NECAB3: variants seen among roughly 807,000 people sequenced by gnomAD.
NECAB3 encodes the protein N-terminal EF-hand calcium-binding protein 3.
In NECAB3, 38 loss-of-function variants were observed where a neutral mutation model predicts 57.2. The ratio of observed to expected loss-of-function variants is 0.66; its 90% CI spans 0.51 to 0.87. NECAB3 has a LOEUF of 0.87. NECAB3 is among the 40% of genes least tolerant of loss of function. NECAB3 has a pLI of 0.00. For synonymous variants in NECAB3, 223 were observed against 222.6 expected, an observed-to-expected ratio of 1.00 and a Z score of -0.02; for missense variants, 474 against 527.5, an observed-to-expected ratio of 0.90 and a Z score of 0.99.
At chr20:33,663,417 G>C (rs1166303330) in intron 5 of NECAB3, 7 of 1,129,756 alleles carry the variant, frequency 6.2e-6, no homozygotes, top group Non-Finnish European at 7.3e-6. Context: ...GACAGGACCC[G>C]GGTGGACGAC....
Position 33,668,329 on chromosome 20 carries a change from T to C in NECAB3, c.387+1046A>G, listed in dbSNP as rs957305237. The C allele has an allele frequency of 1.4e-4, 214 of 1,503,164 alleles. 2 individuals are homozygous for C. Among genetic ancestry groups the C allele is most frequent in the Admixed American group, 1.4e-3 (62 of 44,732 alleles). 93.1% of individuals were successfully genotyped at this position (1,503,164 alleles called of 1,614,324 possible). On this transcript the variant is annotated intron_variant, in intron 5 of 11. Coordinates refer to ENST00000246190, the MANE Select transcript of NECAB3 (RefSeq NM_031232.4). ...GGAGCTGGCAGGGTCCTCCTGGAGG[T>C]TGGAGCTGACTGGATGGGTCACCCC...
In NECAB3 at chr20:33,658,077, G is replaced by A. The variant is rs375844403; in HGVS notation, c.1071-44C>T. 7.5e-5 allele frequency: 113 copies of A among 1,504,868 alleles called. No individual in the cohort carries two copies. The South Asian group carries it at 8.3e-4, about 11-fold the overall frequency. 93.2% of individuals were successfully genotyped at this position (1,504,868 alleles called of 1,614,324 possible). On this transcript the variant is annotated intron_variant, in intron 10 of 11. Transcript: ENST00000246190. ...CAGTGACCTCGCTCTCCCCACTCCC[G>A]CCCCATCCTGCTGCCAGGATCAGAC...
Position 33,667,447 on chromosome 20 carries a change from G to C in NECAB3, c.387+1928C>G. ...GCCGTTGGCGCCGCCCGCGGGCCGC[G>C]AAAGGGTGGCGGAGCTGCTGTTCGA... On this transcript the variant is annotated intron_variant, in intron 5 of 11. Coordinates refer to ENST00000246190, the MANE Select transcript of NECAB3 (RefSeq NM_031232.4). 5.7e-6 allele frequency: 8 copies of C among 1,415,586 alleles called. No homozygotes were observed. The South Asian group carries it at 1.1e-4, about 19-fold the overall frequency. The allele number at this position is 1,415,586 out of a possible 1,614,324, so 87.7% of individuals were successfully genotyped here.
At chr20:33,664,234 T>C in intron 5 of NECAB3, 1 of 233,610 alleles carries the variant, frequency 4.3e-6, no homozygotes. Flanking sequence ...CTGCTTCCGG[T>C]AAAGCCTGAC....
In NECAB3 at chr20:33,660,001, G is replaced by C. The variant is rs1397689356; in HGVS notation, c.527C>G (p.Ser176Ter). The change falls in exon 7 of 12, where the codon TCA (serine) becomes TGA (stop). Residue 176 changes from serine to a stop codon, truncating the protein, a stop_gained and splice_region_variant. Transcript: ENST00000246190. LOFTEE classifies it high-confidence loss of function. This position sits in a 1 kb window ranked among gnomAD's most constrained non-coding sequence, Gnocchi z 4.1. ...CTGCGCCTCCACGCTCTCTGCATCT[G>C]ACCTAGAGGAAGTGAGGCTCACAGG... is the stretch of plus-strand genomic sequence containing the variant. ...TLEAQAHGWRSDAESVEAQSR... is the reference protein window; with the variant it reads ...TLEAQAHGWR 6.4e-7 allele frequency: 1 copy of C among 1,574,052 alleles called. No individual in the cohort carries two copies.
chr20:33,669,594 C>T (rs1568902228), intron 4 of NECAB3, 93 bp downstream of exon 4: 1 of 1,538,940 alleles, frequency 6.5e-7, no homozygotes, highest in African/African-American at 1.4e-5. Context: ...CCAGCCCAAC[C>T]TGTCCCATCA....
intron 5 of NECAB3, chr20:33,663,454 G>A (rs1484100691): frequency 3.4e-6 from 5 of 1,472,248 alleles, no homozygotes; most frequent in African/African-American, 1.5e-5. Flanking sequence ...AGGGTCCCAG[G>A]AGAAGCGCGG....
chr20:33,670,506 TG>T, intron 3 of NECAB3, 177 bp downstream of exon 3: 1 of 495,646 alleles, frequency 2.0e-6, no homozygotes, highest in Non-Finnish European at 3.6e-6. Context: ...AGCAGTGTAG[TG>T]GGCAAGGCTG....
At chr20:33,669,156 G>A (rs903090493) in intron 5 of NECAB3, 1 of 562,770 alleles carries the variant, frequency 1.8e-6, no homozygotes, top group East Asian at 3.0e-5. Context: ...GTTCTCACTG[G>A]TCACAGTGAT....
At position 33,657,981 on chromosome 20, in the gene NECAB3, G is replaced by A. The variant is rs1307527383; in HGVS notation, c.1123C>T (p.Leu375=). 6.4e-7 allele frequency: 1 copy of A among 1,557,124 alleles called. No homozygotes were observed. Among genetic ancestry groups the A allele is most frequent in the African/African-American group, 1.4e-5 (1 of 73,366 alleles). ...KAFQRILIDH[L]RAPDTLTTVF... ...GTGGTGAGGGTGTCCGGGGCCCGCAGGTGGTCGATGAGGATGCGCTGGAAG... is the reference window on the plus strand; with the variant it reads ...GTGGTGAGGGTGTCCGGGGCCCGCAAGTGGTCGATGAGGATGCGCTGGAAG... Residue 375 remains leucine (L), a synonymous_variant, in exon 11 of 12, where the codon CTG becomes TTG. Coordinates refer to ENST00000246190, the MANE Select transcript of NECAB3 (RefSeq NM_031232.4).
At chr20:33,668,006 C>G (rs1397407960) in intron 5 of NECAB3, 1 of 1,543,848 alleles carries the variant, frequency 6.5e-7, no homozygotes, top group Non-Finnish European at 8.7e-7. Flanking sequence ...GGCGGCTCCA[C>G]ACTGTTTCCT....
intron 5 of NECAB3, chr20:33,667,532 C>CCGGCG (rs1568899732): frequency 6.5e-7 from 1 of 1,541,374 alleles, no homozygotes; most frequent in Non-Finnish European, 8.7e-7. Context: ...CTCTGCTCCA[C>CCGGCG]CGGCGCGTTC....
In NECAB3 at chr20:33,660,231, C is replaced by T. The variant is rs1365153962; in HGVS notation, c.524+28G>A. Reference sequence around the variant, plus strand: ...GTACAATGGGCGCTTGTGCACTAGCCCCACAGGTTGACAGCACCCTTACAT... The same window carrying T: ...GTACAATGGGCGCTTGTGCACTAGCTCCACAGGTTGACAGCACCCTTACAT... On this transcript the variant is annotated intron_variant, in intron 6 of 11. Transcript: ENST00000246190. The surrounding 1 kb of genome is among the most constrained non-coding windows in gnomAD (Gnocchi z 4.1). 1.9e-6 allele frequency: 3 copies of T among 1,607,876 alleles called. No individual in the cohort carries two copies. The Admixed American group carries it at 5.0e-5, about 27-fold the overall frequency.
Position 33,657,951 on chromosome 20 carries a change from AC to A in NECAB3, c.1152del (p.Phe385SerfsTer8). 2 of 1,557,060 alleles carry A rather than the reference AC, an allele frequency of 1.3e-6. No individual in the cohort carries two copies. The highest frequency in any genetic ancestry group is 1.7e-6 in the Non-Finnish European group (2 of 1,150,192). On this transcript the variant is annotated frameshift_variant, in exon 11 of 12. Transcript: ENST00000246190. LOFTEE classifies it high-confidence loss of function. ...HLRAPDTLTT[V>X]FFPASWWIMN... Reference sequence around the variant, plus strand: ...GGGGTCCACCGCATACCTGGGAAGAACACAGTGGTGAGGGTGTCCGGGGCCC... The same window carrying A: ...GGGGTCCACCGCATACCTGGGAAGAAACAGTGGTGAGGGTGTCCGGGGCCC...
At chr20:33,667,870 G>A (rs762502284) in intron 5 of NECAB3, 8 of 1,601,232 alleles carry the variant, frequency 5.0e-6, no homozygotes, top group East Asian at 2.3e-5. Context: ...CCGCTGCCCC[G>A]AACCCATCTT....
intron 4 of NECAB3, 36 bp from the exon 5 acceptor site, chr20:33,669,508 C>T (rs915316528): frequency 3.1e-6 from 5 of 1,608,580 alleles, no homozygotes; most frequent in African/African-American, 2.7e-5. Context: ...GTTCCTGGAC[C>T]CCCACCCATC....
intron 5 of NECAB3, among the ~76,000 whole-genome samples, chr20:33,668,921 G>A (rs892984352): frequency 6.6e-6 from 1 of 152,248 alleles, no homozygotes. Context: ...ACGCGTGGGT[G>A]TTCACGTACC....
intron 5 of NECAB3, 112 bp downstream of exon 5, chr20:33,669,263 G>A (rs1419531200): frequency 9.0e-7 from 1 of 1,116,602 alleles, no homozygotes; most frequent in East Asian, 2.5e-5. Flanking sequence ...GCCAGGATTT[G>A]AACCCAAGCC....
At position 33,659,902 on chromosome 20, in the gene NECAB3, G is replaced by A. The variant is rs1350284203; in HGVS notation, c.626C>T (p.Pro209Leu). ...RSVSRSSTWS[P>L]GSSDTGRSSE... is the part of the protein sequence containing the mutation. ...AGGCGCACCTGTGTCAGAAGAGCCGGGGGACCAGGTGGATGACCGGCTGAC... is the reference window on the plus strand; with the variant it reads ...AGGCGCACCTGTGTCAGAAGAGCCGAGGGACCAGGTGGATGACCGGCTGAC... The change falls in exon 7 of 12, where the codon CCC becomes CTC. Residue 209 changes from proline (P) to leucine (L), a missense_variant. By Grantham distance (98) the Pro-to-Leu change is moderately conservative. Transcript: ENST00000246190. The A allele has an allele frequency of 3.9e-6, 6 of 1,546,646 alleles. No homozygotes were observed. Among genetic ancestry groups the A allele is most frequent in the African/African-American group, 1.4e-5 (1 of 73,270 alleles).
Sources: gnomAD v4.1 joint callset for allele counts (sites outside exome capture counted in the v4.1 genomes callset) on GRCh38, gnomAD v4.1.1 for gene constraint, Gnocchi (gnomAD v3.1) non-coding constraint, MANE v1.5 for transcripts, NCBI Gene and HGNC (gene_info 2026-07-23, HGNC 2026-07-21) for gene names.